Variants in ATP2C1 observed in about 807,000 individuals in gnomAD.
ATP2C1 encodes the protein calcium-transporting ATPase type 2C member 1.
A neutral mutation model predicts 120.5 loss-of-function variants in ATP2C1; 31 were observed. The ratio of observed to expected loss-of-function variants is 0.26; its 90% CI spans 0.19 to 0.35. The LOEUF (loss-of-function observed/expected upper bound fraction) is 0.35, where lower values mean the gene tolerates loss of function less well. Ranked by LOEUF, ATP2C1 falls within the 10% of genes least tolerant of loss-of-function variation. The pLI is 1.00. For synonymous variants in ATP2C1, 351 were observed against 358.7 expected (o/e 0.98, Z 0.24); for missense variants, 731 against 1,107.5 (o/e 0.66, Z 4.83).
chr3:130,987,286 C>T (rs2062065849), intron 20 of ATP2C1, among the ~76,000 whole-genome samples: 1 of 152,022 alleles, frequency 6.6e-6, no homozygotes, highest in Non-Finnish European at 1.5e-5. Flanking sequence ...GCATGAGCCA[C>T]TGCACGTAGC....
intron 22 of ATP2C1, among the ~76,000 whole-genome samples, chr3:130,994,558 G>A (rs962848274): frequency 2.0e-5 from 3 of 152,024 alleles, no homozygotes; most frequent in Non-Finnish European, 4.4e-5. Flanking sequence ...CTCTATTTGT[G>A]TCAGCCACAG....
intron 8 of ATP2C1, among the ~76,000 whole-genome samples, chr3:130,947,771 G>T (rs372288533): frequency 1.1e-4 from 16 of 151,044 alleles, no homozygotes; most frequent in African/African-American, 3.9e-4. Context: ...GCCCTTCTTT[G>T]TTTTTTTTCC....
At chr3:130,898,996 T>G (rs2069895430) in intron 2 of ATP2C1, among the ~76,000 whole-genome samples, 1 of 152,194 alleles carries the variant, frequency 6.6e-6, no homozygotes, top group South Asian at 2.1e-4. Flanking sequence ...TAATAATGGT[T>G]TCAGGCATCA....
At chr3:130,907,079 TACACACAC>T (rs55687116) in intron 2 of ATP2C1, among the ~76,000 whole-genome samples, 1 of 149,840 alleles carries the variant, frequency 6.7e-6, no homozygotes, top group African/African-American at 2.4e-5. Flanking sequence ...TATATGTGTG[TACACACAC>T]ACACACACAC....
At chr3:130,933,798 T>C (rs1366263165) in intron 4 of ATP2C1, among the ~76,000 whole-genome samples, 1 of 152,106 alleles carries the variant, frequency 6.6e-6, no homozygotes, top group African/African-American at 2.4e-5. Flanking sequence ...TGAAGAAGGA[T>C]TGGGACTTGT....
intron 2 of ATP2C1, among the ~76,000 whole-genome samples, chr3:130,911,126 T>C (rs1268177188): frequency 6.7e-6 from 1 of 149,502 alleles, no homozygotes; most frequent in African/African-American, 2.5e-5. Flanking sequence ...CAATTTCAGC[T>C]CCTGTTATTG....
exon 1 of ATP2C1, chr3:130,850,613 T>C (rs1037432826): frequency 2.9e-5 from 11 of 384,066 alleles, no homozygotes; most frequent in Admixed American, 2.3e-4. Flanking sequence ...TCTGGACGCT[T>C]CTAGACAGTG....
At position 131,001,890 on chromosome 3, in the gene ATP2C1, GT is replaced by G. The variant is rs1375105804; in HGVS notation, c.*546del. ...CCATGTGCTATCATTTTTGTATCAA[GT>G]TTTTTGCACAGGATGTGACCACTGT... On this transcript the variant is annotated 3_prime_UTR_variant, in exon 28 of 28. Coordinates refer to ENST00000510168, the MANE Select transcript of ATP2C1 (RefSeq NM_001378687.1). The G allele has an allele frequency of 1.1e-4, 112 of 985,552 alleles. No individual in the cohort carries two copies. The highest frequency in any genetic ancestry group is 5.2e-4 in the Middle Eastern group (1 of 1,936). 61.1% of individuals were successfully genotyped at this position (985,552 alleles called of 1,614,324 possible). A position where few individuals can be genotyped will look rare whatever the true frequency, so the allele number is the denominator to read the frequency against.
chr3:130,962,843 G>C (rs2060884795), intron 12 of ATP2C1: 1 of 151,780 alleles, frequency 6.6e-6, no homozygotes, highest in Non-Finnish European at 1.5e-5. Flanking sequence ...TGACTCTTCA[G>C]TGTGTATTGT....
At chr3:130,965,374 C>T (rs1314323782) in intron 14 of ATP2C1, among the ~76,000 whole-genome samples, 1 of 152,030 alleles carries the variant, frequency 6.6e-6, no homozygotes, top group Non-Finnish European at 1.5e-5. Flanking sequence ...CATTTCTCAC[C>T]TGCCATTCTG....
intron 8 of ATP2C1, among the ~76,000 whole-genome samples, chr3:130,951,567 T>C (rs2060369836): frequency 6.6e-6 from 1 of 152,168 alleles, no homozygotes; most frequent in African/African-American, 2.4e-5. Context: ...AATGTGTTAG[T>C]GTGAAAAGTT....
At chr3:130,931,211 C>T (rs1228787773) in intron 3 of ATP2C1, among the ~76,000 whole-genome samples, 2 of 151,898 alleles carry the variant, frequency 1.3e-5, no homozygotes, top group Non-Finnish European at 2.9e-5. Context: ...TTGAAAGGCT[C>T]CTTTATTGGA....
chr3:130,873,968 G>T (rs568058166), intron 1 of ATP2C1, among the ~76,000 whole-genome samples: 3 of 152,124 alleles, frequency 2.0e-5, no homozygotes, highest in African/African-American at 7.2e-5. Context: ...AAATTAGCCC[G>T]GCATGGTGGC....
intron 2 of ATP2C1, among the ~76,000 whole-genome samples, chr3:130,901,524 C>G (rs766831450): frequency 1.3e-5 from 2 of 151,930 alleles, no homozygotes; most frequent in Non-Finnish European, 2.9e-5. Flanking sequence ...TGGACAGTGA[C>G]TAGATACAGA....
chr3:130,934,554 T>A (rs79613660), intron 4 of ATP2C1, 68 bp from the exon 5 acceptor site: 35 of 1,020,794 alleles, frequency 3.4e-5, no homozygotes, highest in African/African-American at 8.0e-5. Context: ...TTTTTTTTTT[T>A]AAAGCCTTTG....
At chr3:130,944,905 T>C (rs1002280423) in intron 8 of ATP2C1, among the ~76,000 whole-genome samples, 2 of 152,226 alleles carry the variant, frequency 1.3e-5, no homozygotes, top group Admixed American at 1.3e-4. Flanking sequence ...TGCACATTTT[T>C]CTGTATACTT....
At chr3:130,889,243 A>G (rs2069083991), upstream of ATP2C1, among the ~76,000 whole-genome samples, 1 of 152,234 alleles carries the variant, frequency 6.6e-6, no homozygotes, top group South Asian at 2.1e-4. Context: ...AAACCCATGT[A>G]GACACAGGGA....
chr3:130,883,017 A>C (rs890430631), intron 1 of ATP2C1, among the ~76,000 whole-genome samples: 5 of 152,154 alleles, frequency 3.3e-5, no homozygotes, highest in African/African-American at 9.7e-5. Context: ...TTATGGCTTC[A>C]ATCTTGTTAC....
Position 130,894,149 on chromosome 3 carries a change from T to TCCCCGA in ATP2C1, c.-365_-364insGACCCC. 1.4e-6 allele frequency: 1 copy of TCCCCGA among 694,858 alleles called. No individual in the cohort carries two copies. The allele number at this position is 694,858 out of a possible 1,614,324, so 43.0% of individuals were successfully genotyped here. ...ACGGGTCCCCTCACCTCCTCTTCTC[T>TCCCCGA]CCCCTCCCCGCCCGCCCTCTCTCCC... is the stretch of plus-strand genomic sequence containing the variant. On this transcript the variant is annotated 5_prime_UTR_variant, in exon 1 of 28. Coordinates refer to ENST00000510168, the MANE Select transcript of ATP2C1 (RefSeq NM_001378687.1). This position sits in a 1 kb window ranked among gnomAD's most constrained non-coding sequence, Gnocchi z 4.5.
Sources: allele counts gnomAD v4.1 joint callset (sites outside exome capture counted in the v4.1 genomes callset), GRCh38; gene constraint gnomAD v4.1.1; non-coding constraint Gnocchi (gnomAD v3.1); transcripts MANE v1.5; gene names NCBI Gene and HGNC (gene_info 2026-07-23, HGNC 2026-07-21).